The following TG variants were observed in gnomAD, a reference collection of about 807,000 sequenced individuals.
TG encodes the protein thyroglobulin.
Under a neutral mutation model 324.7 loss-of-function variants are expected in TG, and 270 were observed. That is an observed-to-expected ratio of 0.83 (90% CI 0.75 to 0.92). TG has a LOEUF of 0.92. TG is among the 40% of genes least tolerant of loss of function. The pLI is 0.00. For synonymous variants in TG, 1,401 were observed against 1,327.0 expected, an observed-to-expected ratio of 1.06 and a Z score of -1.21; for missense variants, 3,591 against 3,456.4, an observed-to-expected ratio of 1.04 and a Z score of -0.98.
intron 15 of TG, 105 bp from the exon 16 acceptor site, chr8:132,901,248 G>A (rs967275052): frequency 4.4e-6 from 6 of 1,378,446 alleles, no homozygotes; most frequent in African/African-American, 1.4e-5. Flanking sequence ...AGGCCCTGCA[G>A]GCAGGTGGGC....
At chr8:132,923,131 G>T (rs1209576974) in intron 21 of TG, among the ~76,000 whole-genome samples, 1 of 152,154 alleles carries the variant, frequency 6.6e-6, no homozygotes, top group East Asian at 1.9e-4. Flanking sequence ...GAAGCATGGG[G>T]TATGTGTGCA....
chr8:132,926,389 C>A (rs760545122), intron 22 of TG, among the ~76,000 whole-genome samples: 1 of 152,172 alleles, frequency 6.6e-6, no homozygotes, highest in African/African-American at 2.4e-5. Context: ...ATGCAATGCC[C>A]CTTAAATCTC....
At chr8:133,053,057 C>A (rs1261134820) in intron 41 of TG, among the ~76,000 whole-genome samples, 1 of 152,214 alleles carries the variant, frequency 6.6e-6, no homozygotes, top group South Asian at 2.1e-4. Context: ...TTGCCAGGCA[C>A]CCTGGTTCTC....
At chr8:132,868,021 G>T in intron 1 of TG, 94 bp from the exon 2 acceptor site, 1 of 1,119,618 alleles carries the variant, frequency 8.9e-7, no homozygotes, top group South Asian at 1.3e-5. Context: ...TAATGATGAT[G>T]ACCCTGGAAA....
At chr8:132,950,890 A>AC (rs1177521108) in intron 27 of TG, among the ~76,000 whole-genome samples, 1 of 152,204 alleles carries the variant, frequency 6.6e-6, no homozygotes, top group African/African-American at 2.4e-5. Flanking sequence ...ACCTATACTC[A>AC]CAAGTCCTCA....
intron 27 of TG, among the ~76,000 whole-genome samples, chr8:132,954,222 G>C (rs1406876048): frequency 6.6e-6 from 1 of 152,172 alleles, no homozygotes; most frequent in Non-Finnish European, 1.5e-5. Flanking sequence ...TGAGATGGCT[G>C]ATGAATGCCT....
At chr8:132,972,232 T>C in intron 33 of TG, 2 of 448,282 alleles carry the variant, frequency 4.5e-6, no homozygotes, top group South Asian at 4.3e-5. Context: ...TGTGTGATTC[T>C]GGAAAAGTCA....
rs866261213 is a variant in TG, at chr8:133,090,703, A to G, written c.7240-4341A>G. Among the ~76,000 whole-genome samples, 6 of 152,224 alleles carry G rather than the reference A, an allele frequency of 3.9e-5. 1 individual carries two copies. The highest frequency in any genetic ancestry group is 1.3e-4 in the Admixed American group (2 of 15,286). On this transcript the variant is annotated intron_variant, in intron 41 of 47. Transcript: ENST00000220616. Reference sequence around the variant, plus strand: ...CTCCATTGTCTCCTTTAATCTGCACATCAGCTCTGTGAACGCTGATCATAA... The same window carrying G: ...CTCCATTGTCTCCTTTAATCTGCACGTCAGCTCTGTGAACGCTGATCATAA...
chr8:133,114,988 A>G (rs1850558961), intron 44 of TG, among the ~76,000 whole-genome samples: 1 of 152,092 alleles, frequency 6.6e-6, no homozygotes, highest in South Asian at 2.1e-4. Flanking sequence ...AACAGCCAAC[A>G]GCTATTTTGG....
chr8:133,128,716 C>T (rs951737863), intron 45 of TG, among the ~76,000 whole-genome samples: 1 of 152,128 alleles, frequency 6.6e-6, no homozygotes. Context: ...TGGCCCTGGG[C>T]GTAGGATGAG....
At chr8:132,914,921 T>C (rs74701101) in intron 20 of TG, among the ~76,000 whole-genome samples, 1 of 152,146 alleles carries the variant, frequency 6.6e-6, no homozygotes, top group African/African-American at 2.4e-5. Context: ...CAACGCCAGA[T>C]GCTGAACTAG....
intron 41 of TG, among the ~76,000 whole-genome samples, chr8:133,066,086 G>C (rs906811000): frequency 5.3e-5 from 8 of 152,124 alleles, no homozygotes; most frequent in Admixed American, 2.0e-4. Flanking sequence ...TTACTTAGGA[G>C]GCTGAGGCGG....
In TG at chr8:133,070,894, A is replaced by T. The variant is rs1478361015; in HGVS notation, c.7240-24150A>T. Among the ~76,000 whole-genome samples the T allele has an allele frequency of 2.6e-5, 4 of 152,298 alleles. No individual in the cohort carries two copies. The East Asian group carries it at 5.8e-4, about 22-fold the overall frequency. On this transcript the variant is annotated intron_variant, in intron 41 of 47. Transcript: ENST00000220616. ...TCAACTTTGTCATAAAATCACTGGG[A>T]TGGGTGGCTCCAAGACTGTGAGAGG...
chr8:133,100,019 C>A (rs1337269754), intron 43 of TG, among the ~76,000 whole-genome samples: 3 of 152,222 alleles, frequency 2.0e-5, no homozygotes, highest in Admixed American at 1.3e-4. Context: ...TCCTCTCATG[C>A]AGAGGAAAAT....
chr8:133,060,361 T>C, intron 41 of TG: 1 of 1,539,040 alleles, frequency 6.5e-7, no homozygotes, highest in Non-Finnish European at 8.7e-7. Context: ...GATTGGTTAC[T>C]TTTGCGCAGC....
intron 34 of TG, among the ~76,000 whole-genome samples, chr8:132,976,797 A>G (rs1251674688): frequency 1.3e-5 from 2 of 152,202 alleles, no homozygotes; most frequent in African/African-American, 4.8e-5. Flanking sequence ...TTGTGTTGAC[A>G]TGGTGTGATT....
intron 35 of TG, among the ~76,000 whole-genome samples, chr8:133,010,373 C>G (rs1025603521): frequency 6.6e-6 from 1 of 152,184 alleles, no homozygotes; most frequent in Non-Finnish European, 1.5e-5. Context: ...CCATAGTGTT[C>G]TGCTAACACA....
At chr8:132,972,576 G>GTTTTTTTTTT in intron 33 of TG, 22 bp from the exon 34 acceptor site, 2 of 1,480,432 alleles carry the variant, frequency 1.4e-6, no homozygotes, top group Non-Finnish European at 9.1e-7. Flanking sequence ...GTGGTTTTTT[G>GTTTTTTTTTT]TTTTTTTTTT....
At chr8:132,878,128 TA>T (rs1374703944) in intron 5 of TG, among the ~76,000 whole-genome samples, 1 of 152,162 alleles carries the variant, frequency 6.6e-6, no homozygotes. Flanking sequence ...AAAAATAGTC[TA>T]AGTTACTTGG....
Sources: gnomAD v4.1 joint callset for allele counts (sites outside exome capture counted in the v4.1 genomes callset) on GRCh38, gnomAD v4.1.1 for gene constraint, MANE v1.5 for transcripts, NCBI Gene and HGNC (gene_info 2026-07-23, HGNC 2026-07-21) for gene names.